Variants in NOS1AP observed in about 807,000 individuals in gnomAD.
NOS1AP encodes the protein carboxyl-terminal PDZ ligand of neuronal nitric oxide synthase protein.
In NOS1AP, 21 loss-of-function variants were observed where a neutral mutation model predicts 56.2. The observed-to-expected ratio is 0.37, with a 90% CI of 0.26 to 0.54. NOS1AP has a LOEUF of 0.54. Ranked by LOEUF, NOS1AP falls within the 20% of genes least tolerant of loss-of-function variation. The pLI is 0.84. For missense variants in NOS1AP, 522 were observed against 657.8 expected, an observed-to-expected ratio of 0.79 and a Z score of 2.26; for synonymous variants, 270 against 274.6, an observed-to-expected ratio of 0.98 and a Z score of 0.17.
chr1:162,197,843 C>T (rs1334774347), intron 2 of NOS1AP, among the ~76,000 whole-genome samples: 2 of 152,210 alleles, frequency 1.3e-5, no homozygotes, highest in African/African-American at 4.8e-5. Flanking sequence ...TGAGAGTGTC[C>T]AACTCTCTTG....
chr1:162,348,721 T>C (rs1385093441), intron 6 of NOS1AP, among the ~76,000 whole-genome samples: 1 of 152,178 alleles, frequency 6.6e-6, no homozygotes, highest in Non-Finnish European at 1.5e-5. Context: ...TTAAATAATA[T>C]AAAGGGAGGC....
At chr1:162,085,266 A>G (rs1691977556) in intron 1 of NOS1AP, among the ~76,000 whole-genome samples, 1 of 151,848 alleles carries the variant, frequency 6.6e-6, no homozygotes, top group Non-Finnish European at 1.5e-5. Flanking sequence ...TGCTTGTTTT[A>G]TGTATAATGT....
At chr1:162,351,413 G>A (rs1399262143) in intron 6 of NOS1AP, among the ~76,000 whole-genome samples, 1 of 152,130 alleles carries the variant, frequency 6.6e-6, no homozygotes, top group African/African-American at 2.4e-5. Flanking sequence ...CAGCACTGGA[G>A]AAAACTGCCA....
At chr1:162,254,676 A>G (rs965200565) in intron 2 of NOS1AP, among the ~76,000 whole-genome samples, 1 of 152,218 alleles carries the variant, frequency 6.6e-6, no homozygotes, top group Non-Finnish European at 1.5e-5. Context: ...GGACATGAGG[A>G]AAGTGTGCTC....
At chr1:162,086,869 T>C (rs1303669873) in intron 1 of NOS1AP, among the ~76,000 whole-genome samples, 1 of 152,208 alleles carries the variant, frequency 6.6e-6, no homozygotes, top group Admixed American at 6.5e-5. Context: ...GCTTGTGGCC[T>C]GAAGCTGGCT....
chr1:162,331,368 G>T (rs1317938934), intron 4 of NOS1AP, among the ~76,000 whole-genome samples: 2 of 152,056 alleles, frequency 1.3e-5, no homozygotes, highest in African/African-American at 4.8e-5. Flanking sequence ...TTCCTCCCAG[G>T]CTTCTTGGGG....
chr1:162,335,806 G>A (rs190539204), intron 5 of NOS1AP, among the ~76,000 whole-genome samples: 125 of 152,328 alleles, frequency 8.2e-4, no homozygotes, highest in African/African-American at 2.9e-3. Context: ...CTCTAATGGG[G>A]TGTCATCATC....
At chr1:162,298,325 C>T (rs766810374) in intron 3 of NOS1AP, among the ~76,000 whole-genome samples, 1 of 152,240 alleles carries the variant, frequency 6.6e-6, no homozygotes, top group South Asian at 2.1e-4. Flanking sequence ...AGAAGCTACA[C>T]TTCCACCACT....
chr1:162,090,525 C>T (rs886876555), intron 1 of NOS1AP, among the ~76,000 whole-genome samples: 1 of 151,906 alleles, frequency 6.6e-6, no homozygotes, highest in African/African-American at 2.4e-5. Flanking sequence ...AATTATATTC[C>T]TTGCTTTGGT....
intron 2 of NOS1AP, among the ~76,000 whole-genome samples, chr1:162,216,349 C>A (rs1340046849): frequency 6.6e-6 from 1 of 152,208 alleles, no homozygotes; most frequent in East Asian, 1.9e-4. Context: ...GTATTAGGAT[C>A]CATGCCCATG....
Position 162,289,868 on chromosome 1 carries a change from A to C in NOS1AP, c.270+2432A>C, listed in dbSNP as rs150006724. On this transcript the variant is annotated intron_variant, in intron 3 of 9. Transcript: ENST00000361897. Reference sequence around the variant, plus strand: ...TCTTCATACACCTCTGTTGTTGTCCATCATGGGGCAACTTCATAGTTTTGC... The same window carrying C: ...TCTTCATACACCTCTGTTGTTGTCCCTCATGGGGCAACTTCATAGTTTTGC... Among the ~76,000 whole-genome samples the C allele has an allele frequency of 8.5e-5, 13 of 152,252 alleles. 1 individual carries two copies. Among genetic ancestry groups the C allele is most frequent in the African/African-American group, 1.9e-4 (8 of 41,566 alleles).
At chr1:162,203,302 G>C (rs1488094105) in intron 2 of NOS1AP, among the ~76,000 whole-genome samples, 1 of 152,134 alleles carries the variant, frequency 6.6e-6, no homozygotes, top group Non-Finnish European at 1.5e-5. Context: ...GTGATGTAGT[G>C]CAGTGAGCCT....
At chr1:162,300,607 G>C in intron 3 of NOS1AP, 26 bp from the exon 4 acceptor site, 1 of 1,602,176 alleles carries the variant, frequency 6.2e-7, no homozygotes, top group Non-Finnish European at 8.6e-7. Flanking sequence ...TGTAACTGAG[G>C]ACAAGCCTAA....
intron 2 of NOS1AP, among the ~76,000 whole-genome samples, chr1:162,222,680 G>C (rs141708074): frequency 6.6e-6 from 1 of 152,310 alleles, no homozygotes; most frequent in African/African-American, 2.4e-5. Context: ...TGTTACATTT[G>C]CTTTTGCTGG....
intron 1 of NOS1AP, among the ~76,000 whole-genome samples, chr1:162,126,359 T>G (rs1648487375): frequency 6.6e-6 from 1 of 152,202 alleles, no homozygotes. Flanking sequence ...ATTTGGTGTT[T>G]GCCTGATATT....
chr1:162,162,105 A>G (rs1341272462), intron 2 of NOS1AP, among the ~76,000 whole-genome samples: 4 of 152,102 alleles, frequency 2.6e-5, no homozygotes, highest in Non-Finnish European at 5.9e-5. Context: ...CCTGTTCTGG[A>G]CTGTTGGAAG....
chr1:162,354,869 C>T lies in NOS1AP; in HGVS notation c.596-318C>T, dbSNP rs545976550. ...CTTGACTGCTTCCGTTCCTGAGCTG[C>T]GATGACATGGAGATGATCAGCATCC... On this transcript the variant is annotated intron_variant, in intron 6 of 9. Transcript: ENST00000361897. Among the ~76,000 whole-genome samples, 63 of 152,346 alleles carry T rather than the reference C, an allele frequency of 4.1e-4. No homozygotes were observed. The South Asian group carries it at 0.011, about 26-fold the overall frequency.
At chr1:162,293,940 C>T (rs188005716) in intron 3 of NOS1AP, among the ~76,000 whole-genome samples, 2 of 152,278 alleles carry the variant, frequency 1.3e-5, no homozygotes, top group Non-Finnish European at 2.9e-5. Context: ...TTCCCCACAT[C>T]AACTATGAGA....
chr1:162,311,041 C>A (rs2101766503), intron 4 of NOS1AP, among the ~76,000 whole-genome samples: 1 of 152,186 alleles, frequency 6.6e-6, no homozygotes, highest in African/African-American at 2.4e-5. Flanking sequence ...CTGCTAACAC[C>A]ACCCAAGAGC....
Sources: allele counts gnomAD v4.1 joint callset (sites outside exome capture counted in the v4.1 genomes callset), GRCh38; gene constraint gnomAD v4.1.1; transcripts MANE v1.5; gene names NCBI Gene and HGNC (gene_info 2026-07-23, HGNC 2026-07-21).